Variants in CNBD1 observed in about 807,000 individuals in gnomAD.
CNBD1 encodes cyclic nucleotide binding domain containing 1, also known as cyclic nucleotide-binding domain-containing protein 1.
CNBD1 carries 71 observed loss-of-function variants against 54.4 expected under a neutral mutation model. The ratio of observed to expected loss-of-function variants is 1.30; its 90% CI spans 1.08 to 1.59. The LOEUF (loss-of-function observed/expected upper bound fraction) is 1.59, where lower values mean the gene tolerates loss of function less well. CNBD1 is among the 40% of genes most tolerant of loss of function. The pLI is 0.00. For missense variants in CNBD1, 659 were observed against 518.0 expected, an observed-to-expected ratio of 1.27 and a Z score of -2.64; for synonymous variants, 182 against 170.7, an observed-to-expected ratio of 1.07 and a Z score of -0.51.
intron 4 of CNBD1, among the ~76,000 whole-genome samples, chr8:87,092,430 T>TATCTGTGTGTGTGTATATATATACAC (rs1811227391): frequency 6.8e-6 from 1 of 147,812 alleles, no homozygotes; most frequent in African/African-American, 2.6e-5. Flanking sequence ...TGTATGTATG[T>TATCTGTGTGTGTGTATATATATACAC]ATGTGTGTGT....
rs540866252 is a variant in CNBD1 at position 86,965,267 on chromosome 8, G to A, written c.431+25513G>A. ...ATAGGAAAGACTAAGGTCCTAGCGC[G>A]GACACCCTAATGGGCAGTCAGGGAT... is the stretch of plus-strand genomic sequence containing the variant. On this transcript the variant is annotated intron_variant, in intron 4 of 10. Transcript: ENST00000518476. 3.3e-5 allele frequency among the ~76,000 whole-genome samples: 5 copies of A among 152,270 alleles called. No individual in the cohort carries two copies. In the South Asian group the frequency reaches 6.2e-4, roughly 19 times the overall value.
intron 8 of CNBD1, among the ~76,000 whole-genome samples, chr8:87,329,821 T>C (rs1231587699): frequency 6.6e-6 from 1 of 152,008 alleles, no homozygotes; most frequent in Non-Finnish European, 1.5e-5. Context: ...ATTTTCTATA[T>C]AGATGATTAT....
intron 4 of CNBD1, among the ~76,000 whole-genome samples, chr8:86,980,545 A>T (rs981818088): frequency 6.6e-6 from 1 of 152,236 alleles, no homozygotes; most frequent in Admixed American, 6.5e-5. Context: ...TTTTAGAGAT[A>T]AAGTTTATTC....
chr8:87,092,503 A>ATG (rs71943371), intron 4 of CNBD1, among the ~76,000 whole-genome samples: 21 of 142,752 alleles, frequency 1.5e-4, no homozygotes, highest in South Asian at 1.4e-3. Flanking sequence ...GTGTATATAT[A>ATG]TGTGTGTGTG....
intron 4 of CNBD1, among the ~76,000 whole-genome samples, chr8:86,999,506 T>C (rs1383279964): frequency 6.6e-6 from 1 of 151,798 alleles, no homozygotes; most frequent in East Asian, 1.9e-4. Context: ...TCCTGGCTGA[T>C]TTTTTCCTGA....
intron 4 of CNBD1, among the ~76,000 whole-genome samples, chr8:87,180,963 G>T (rs1231224115): frequency 6.6e-6 from 1 of 152,164 alleles, no homozygotes; most frequent in East Asian, 1.9e-4. Context: ...CATCTCTGCT[G>T]CAGCTGCCTC....
At chr8:86,884,926 C>T (rs67296183) in intron 1 of CNBD1, among the ~76,000 whole-genome samples, 31,640 of 152,080 alleles carry the variant, frequency 0.21, 4,208 homozygotes, top group Admixed American at 0.34. Context: ...CTGACATTTC[C>T]GCAGGATCAT....
At chr8:87,300,742 T>C (rs1303068315) in intron 8 of CNBD1, among the ~76,000 whole-genome samples, 2 of 152,062 alleles carry the variant, frequency 1.3e-5, no homozygotes, top group African/African-American at 4.8e-5. Context: ...TTTCCAATGT[T>C]TGGAGGGTGA....
chr8:87,126,587 G>A (rs1351634053), intron 4 of CNBD1, among the ~76,000 whole-genome samples: 1 of 151,852 alleles, frequency 6.6e-6, no homozygotes, highest in African/African-American at 2.4e-5. Context: ...TTTTCTCCCA[G>A]TATGACCTAT....
In CNBD1 at chr8:87,280,612, G is replaced by A. The variant is rs151160975; in HGVS notation, c.772-4066G>A. On this transcript the variant is annotated intron_variant, in intron 6 of 10. Transcript: ENST00000518476. ...TTATTTAATGTGTAAATGCCTGGAG[G>A]CTAAAAGCAATGGAAAAAATAAGGA... is the stretch of plus-strand genomic sequence containing the variant. 3.0e-3 allele frequency among the ~76,000 whole-genome samples: 456 copies of A among 151,402 alleles called. 1 individual carries two copies. Among genetic ancestry groups the A allele is most frequent in the African/African-American group, 0.01 (426 of 41,444 alleles).
In CNBD1 at chr8:87,308,944, G is replaced by A. The variant is rs570209601; in HGVS notation, c.1042+22273G>A. ...TTTAGTTATTTTTTATACCTCAATC[G>A]TATTCTATTATGTATGCATGCCACA... On this transcript the variant is annotated intron_variant, in intron 8 of 10. Coordinates refer to ENST00000518476, the MANE Select transcript of CNBD1 (RefSeq NM_173538.3). Among the ~76,000 whole-genome samples the A allele has an allele frequency of 5.3e-5, 8 of 152,102 alleles. No homozygotes were observed. The South Asian group carries it at 8.3e-4, about 16-fold the overall frequency.
Position 87,286,623 on chromosome 8 carries a change from T to C in CNBD1, c.994T>C (p.Tyr332His), listed in dbSNP as rs753897306. The change falls in exon 8 of 11, where the codon TAT becomes CAT. Residue 332 changes from tyrosine to histidine, a missense_variant. By Grantham distance (83) the Tyr-to-His change is moderately conservative (BLOSUM62 2). Coordinates refer to ENST00000518476, the MANE Select transcript of CNBD1 (RefSeq NM_173538.3). ...TGAGGAATGGCCTACTTTATCCATATATGAGCTAATTGCACTCCTTAAATG... is the reference window on the plus strand; with the variant it reads ...TGAGGAATGGCCTACTTTATCCATACATGAGCTAATTGCACTCCTTAAATG... ...YYEEWPTLSI[Y>H]ELIALLKWKK... The C allele has an allele frequency of 3.9e-5, 60 of 1,529,250 alleles. No homozygotes were observed. The East Asian group carries it at 9.3e-4, about 24-fold the overall frequency. The allele number at this position is 1,529,250 out of a possible 1,614,324, so 94.7% of individuals were successfully genotyped here. A position where few individuals can be genotyped will look rare whatever the true frequency, so the allele number is the denominator to read the frequency against.
intron 10 of CNBD1, among the ~76,000 whole-genome samples, chr8:87,377,399 G>A (rs926303623): frequency 8.6e-5 from 13 of 150,712 alleles, no homozygotes; most frequent in Admixed American, 4.7e-4. Flanking sequence ...GAGAATATGC[G>A]GTGTTTGGTT....
chr8:87,055,561 C>T (rs1038268614), intron 4 of CNBD1, among the ~76,000 whole-genome samples: 15 of 152,252 alleles, frequency 9.9e-5, no homozygotes, highest in Non-Finnish European at 1.0e-4. Context: ...CTGGACCTTG[C>T]CTGCCTGGCC....
intron 4 of CNBD1, among the ~76,000 whole-genome samples, chr8:86,963,867 A>G (rs1361090807): frequency 6.6e-6 from 1 of 152,122 alleles, no homozygotes; most frequent in Non-Finnish European, 1.5e-5. Flanking sequence ...GTCCTGCTGC[A>G]CCATTTGGGA....
chr8:86,992,609 C>G (rs1808778514), intron 4 of CNBD1, among the ~76,000 whole-genome samples: 1 of 151,934 alleles, frequency 6.6e-6, no homozygotes, highest in Non-Finnish European at 1.5e-5. Context: ...AAGTGTCATT[C>G]TTCTGAATCC....
At chr8:87,240,481 C>G (rs1032974164) in intron 6 of CNBD1, among the ~76,000 whole-genome samples, 4 of 152,102 alleles carry the variant, frequency 2.6e-5, no homozygotes, top group African/African-American at 9.7e-5. Flanking sequence ...CAATCAGATC[C>G]TAGGTATTAA....
chr8:87,221,874 T>C (rs760642392), intron 5 of CNBD1, among the ~76,000 whole-genome samples: 1 of 152,160 alleles, frequency 6.6e-6, no homozygotes, highest in Non-Finnish European at 1.5e-5. Context: ...TTGCCTGCTG[T>C]CTTCTACAAG....
At chr8:87,029,482 G>C (rs1490095259) in intron 4 of CNBD1, among the ~76,000 whole-genome samples, 1 of 152,130 alleles carries the variant, frequency 6.6e-6, no homozygotes, top group African/African-American at 2.4e-5. Context: ...TGGGAAATGG[G>C]GAGGTAAAGC....
Sources: gnomAD v4.1 joint callset for allele counts (sites outside exome capture counted in the v4.1 genomes callset) on GRCh38, gnomAD v4.1.1 for gene constraint, MANE v1.5 for transcripts, NCBI Gene and HGNC (gene_info 2026-07-23, HGNC 2026-07-21) for gene names.